C12orf42: variants seen among roughly 807,000 people sequenced by gnomAD.
The protein encoded by C12orf42 is uncharacterized protein C12orf42.
In C12orf42, 25 loss-of-function variants were observed where a neutral mutation model predicts 21.6. The ratio of observed to expected loss-of-function variants is 1.16; its 90% CI spans 0.84 to 1.62. The LOEUF (loss-of-function observed/expected upper bound fraction) is 1.62, where lower values mean the gene tolerates loss of function less well. C12orf42 is among the 40% of genes most tolerant of loss of function. C12orf42 has a pLI of 0.00. For synonymous variants in C12orf42, 174 were observed against 175.0 expected, an observed-to-expected ratio of 0.99 and a Z score of 0.05; for missense variants, 483 against 459.3, an observed-to-expected ratio of 1.05 and a Z score of -0.47.
At chr12:103,207,510 C>T in the C12orf42 span, among the ~76,000 whole-genome samples, 7 of 152,198 alleles carry the variant, frequency 4.6e-5, no homozygotes, top group Non-Finnish European at 1.0e-4. Flanking sequence ...GATAAACAGA[C>T]ATCACTTCCA....
chr12:103,221,101 T>A, the C12orf42 span, among the ~76,000 whole-genome samples: 1 of 152,232 alleles, frequency 6.6e-6, no homozygotes, highest in Non-Finnish European at 1.5e-5. Flanking sequence ...AGGAAATACT[T>A]GTCTTATTTT....
chr12:103,549,351 A>G, the C12orf42 span: 3 of 152,208 alleles, frequency 2.0e-5, no homozygotes, highest in Non-Finnish European at 2.9e-5. Flanking sequence ...AGACTTCCGC[A>G]ATGGTAGCAT....
chr12:103,210,757 C>T, the C12orf42 span, among the ~76,000 whole-genome samples: 1 of 149,570 alleles, frequency 6.7e-6, no homozygotes, highest in Admixed American at 6.8e-5. Context: ...ATGACTATCA[C>T]TAATTCAGTC....
chr12:103,203,255 T>C, the C12orf42 span, among the ~76,000 whole-genome samples: 4 of 152,294 alleles, frequency 2.6e-5, no homozygotes, highest in South Asian at 2.1e-4. Flanking sequence ...GGATGGGGGA[T>C]TGCCCCTGAT....
intron 3 of C12orf42, 121 bp from the exon 4 acceptor site, chr12:103,369,119 C>T: frequency 3.7e-6 from 2 of 540,850 alleles, no homozygotes; most frequent in South Asian, 6.3e-5. Flanking sequence ...ATTTTTGTTT[C>T]TTTATTCTTT....
At chr12:103,114,531 T>C in the C12orf42 span, among the ~76,000 whole-genome samples, 1 of 152,204 alleles carries the variant, frequency 6.6e-6, no homozygotes, top group East Asian at 1.9e-4. Context: ...AAGGGGACTC[T>C]GATAAACACC....
chr12:103,182,985 A>C, the C12orf42 span, among the ~76,000 whole-genome samples: 18 of 152,362 alleles, frequency 1.2e-4, no homozygotes, highest in African/African-American at 3.8e-4. Context: ...CAATTCCATC[A>C]CTACAAGGGT....
At chr12:103,514,684 TG>T in the C12orf42 span, among the ~76,000 whole-genome samples, 8 of 152,196 alleles carry the variant, frequency 5.3e-5, no homozygotes, top group Non-Finnish European at 1.0e-4. Context: ...AACAGTTCAC[TG>T]GGTATTGTCT....
At chr12:103,305,953 T>C in intron 5 of C12orf42, 21 bp downstream of exon 5, 1 of 1,576,062 alleles carries the variant, frequency 6.3e-7, no homozygotes, top group Non-Finnish European at 8.6e-7. Flanking sequence ...GAAGAGTCAG[T>C]AACCACAACA....
chr12:103,141,529 C>CTT, the C12orf42 span, among the ~76,000 whole-genome samples: 36,921 of 125,232 alleles, frequency 0.29, 6,269 homozygotes, highest in African/African-American at 0.5. Flanking sequence ...AATAATAACA[C>CTT]TTTTTTTTTT....
the C12orf42 span, among the ~76,000 whole-genome samples, chr12:103,100,485 C>T: frequency 5.9e-5 from 9 of 152,334 alleles, no homozygotes; most frequent in Non-Finnish European, 1.2e-4. Flanking sequence ...GGCACCGGAG[C>T]GGTCACTCCT....
chr12:103,186,678 T>C, the C12orf42 span, among the ~76,000 whole-genome samples: 390 of 152,250 alleles, frequency 2.6e-3, 1 homozygote, highest in African/African-American at 9.1e-3. Context: ...TTAATGGATG[T>C]ATGTGAGGGA....
chr12:103,087,283 A>G, the C12orf42 span, among the ~76,000 whole-genome samples: 2 of 152,334 alleles, frequency 1.3e-5, no homozygotes, highest in Non-Finnish European at 2.9e-5. Context: ...AAAATCTGTC[A>G]CAGTCTAAAG....
At chr12:103,208,084 C>T in the C12orf42 span, among the ~76,000 whole-genome samples, 2 of 152,160 alleles carry the variant, frequency 1.3e-5, no homozygotes, top group Non-Finnish European at 2.9e-5. Flanking sequence ...ACCCACAAAT[C>T]CTCCAGGATT....
chr12:103,218,861 A>G, the C12orf42 span, among the ~76,000 whole-genome samples: 1 of 152,246 alleles, frequency 6.6e-6, no homozygotes, highest in Admixed American at 6.5e-5. Context: ...CAAGAATCTT[A>G]TTAACTGCCA....
chr12:103,103,363 A>G, the C12orf42 span, among the ~76,000 whole-genome samples: 15 of 152,320 alleles, frequency 9.8e-5, no homozygotes, highest in East Asian at 9.7e-4. Flanking sequence ...CCTACTGCCT[A>G]TAAGGTAAGG....
At chr12:103,428,333 T>C (rs1040140580) in intron 2 of C12orf42, among the ~76,000 whole-genome samples, 2 of 152,058 alleles carry the variant, frequency 1.3e-5, no homozygotes, top group Admixed American at 6.6e-5. Context: ...GAGAATACTA[T>C]AAACAACTCT....
chr12:103,200,179 C>T, the C12orf42 span, among the ~76,000 whole-genome samples: 8 of 152,128 alleles, frequency 5.3e-5, no homozygotes, highest in African/African-American at 1.9e-4. Flanking sequence ...TTATTTGAAA[C>T]AAAATGGGTG....
intron 4 of C12orf42, among the ~76,000 whole-genome samples, chr12:103,356,266 A>G (rs2043545257): frequency 6.6e-6 from 1 of 151,892 alleles, no homozygotes; most frequent in African/African-American, 2.4e-5. Flanking sequence ...TTTTTACTCT[A>G]GCTCAGATCT....
Sources: allele counts gnomAD v4.1 joint callset (sites outside exome capture counted in the v4.1 genomes callset), GRCh38; gene constraint gnomAD v4.1.1; transcripts MANE v1.5; gene names NCBI Gene and HGNC (gene_info 2026-07-23, HGNC 2026-07-21).